The following NUP155 variants were observed in gnomAD, a reference collection of about 807,000 sequenced individuals.
NUP155 encodes nuclear pore complex protein Nup155.
In NUP155, 71 loss-of-function variants were observed where a neutral mutation model predicts 180.4. The ratio of observed to expected loss-of-function variants is 0.39; its 90% confidence interval spans 0.33 to 0.48. The LOEUF (loss-of-function observed/expected upper bound fraction) is 0.48. NUP155 is among the 20% of genes least tolerant of loss of function. The pLI, the probability that NUP155 is intolerant of heterozygous loss-of-function variation, is 0.91. For missense variants in NUP155, 1,553 were observed against 1,648.9 expected (o/e 0.94, Z 1.01); for synonymous variants, 582 against 559.5 (o/e 1.04, Z -0.57).
chr5:37,336,233 C>A (rs1392079405), intron 12 of NUP155, among the ~76,000 whole-genome samples: 1 of 152,068 alleles, frequency 6.6e-6, no homozygotes, highest in East Asian at 1.9e-4. Context: ...GTAATCCCAG[C>A]AGTTTGGGAA....
chr5:37,294,560 T>C, intron 32 of NUP155, 95 bp from the exon 33 acceptor site: 1 of 1,261,462 alleles, frequency 7.9e-7, no homozygotes, highest in Non-Finnish European at 1.1e-6. Flanking sequence ...TAGGGGGATA[T>C]CTTCTGAAAT....
At chr5:37,362,587 C>T (rs1350025828) in intron 3 of NUP155, among the ~76,000 whole-genome samples, 4 of 151,920 alleles carry the variant, frequency 2.6e-5, no homozygotes, top group African/African-American at 4.8e-5. Context: ...CATGCCCAGC[C>T]GAAAACATAT....
At chr5:37,311,403 A>C (rs1160355735) in intron 22 of NUP155, among the ~76,000 whole-genome samples, 2 of 152,166 alleles carry the variant, frequency 1.3e-5, no homozygotes, top group Non-Finnish European at 2.9e-5. Context: ...TATATTTATC[A>C]CTCTATAAAA....
chr5:37,329,573 A>G (rs1476050297), intron 15 of NUP155, among the ~76,000 whole-genome samples: 1 of 152,240 alleles, frequency 6.6e-6, no homozygotes, highest in African/African-American at 2.4e-5. Context: ...TAATTTTCAT[A>G]CTAGGTTATG....
chr5:37,304,025 A>G (rs1317605048), intron 27 of NUP155, among the ~76,000 whole-genome samples: 1 of 152,000 alleles, frequency 6.6e-6, no homozygotes, highest in African/African-American at 2.4e-5. Flanking sequence ...AGGTGGGCAG[A>G]TCACCTGAGC....
chr5:37,301,132 A>T (rs1742842601), intron 30 of NUP155: 3 of 326,264 alleles, frequency 9.2e-6, no homozygotes, highest in African/African-American at 4.3e-5. Context: ...CTTTTTTGCT[A>T]TTTTTTTGTA....
chr5:37,311,170 T>G (rs531283006), intron 22 of NUP155, among the ~76,000 whole-genome samples: 1 of 152,306 alleles, frequency 6.6e-6, no homozygotes, highest in East Asian at 1.9e-4. Flanking sequence ...AATCTGCTTG[T>G]CCAAATGAAG....
chr5:37,349,282 A>G, intron 7 of NUP155, 37 bp from the exon 8 acceptor site: 1 of 686,426 alleles, frequency 1.5e-6, no homozygotes, highest in Non-Finnish European at 2.4e-6. Flanking sequence ...AGAAAAAAGT[A>G]AACCCAAGGA....
At chr5:37,320,196 G>T (rs1250862354) in intron 20 of NUP155, among the ~76,000 whole-genome samples, 2 of 152,144 alleles carry the variant, frequency 1.3e-5, no homozygotes, top group Non-Finnish European at 2.9e-5. Flanking sequence ...AGAGATAAGT[G>T]GCAGGGCGCA....
chr5:37,333,102 C>T (rs1561792132), intron 13 of NUP155, among the ~76,000 whole-genome samples: 1 of 152,120 alleles, frequency 6.6e-6, no homozygotes, highest in Non-Finnish European at 1.5e-5. Flanking sequence ...CACCTGTAAT[C>T]CCAGAACTTT....
intron 11 of NUP155, among the ~76,000 whole-genome samples, chr5:37,338,566 C>T (rs1021055394): frequency 6.6e-5 from 10 of 151,786 alleles, no homozygotes; most frequent in East Asian, 3.9e-4. Context: ...CCACCACGCC[C>T]GACTAATTTT....
chr5:37,316,690 C>T (rs1743907636), intron 21 of NUP155, among the ~76,000 whole-genome samples: 1 of 151,608 alleles, frequency 6.6e-6, no homozygotes, highest in Non-Finnish European at 1.5e-5. Context: ...GTCTTGAACT[C>T]CTGACCTCAG....
chr5:37,310,464 T>C (rs1424718879), intron 23 of NUP155, 88 bp downstream of exon 23: 2 of 1,042,704 alleles, frequency 1.9e-6, no homozygotes, highest in African/African-American at 1.6e-5. Flanking sequence ...TCTAACTGAC[T>C]GAGGTCCTAT....
chr5:37,346,784 G>A (rs1000128071), intron 9 of NUP155, among the ~76,000 whole-genome samples: 3 of 152,138 alleles, frequency 2.0e-5, no homozygotes, highest in African/African-American at 4.8e-5. Flanking sequence ...TTAGGTTCTT[G>A]TACTTATTTA....
At chr5:37,294,489 A>C in intron 32 of NUP155, 24 bp from the exon 33 acceptor site, 1 of 1,610,802 alleles carries the variant, frequency 6.2e-7, no homozygotes, top group Non-Finnish European at 8.5e-7. Context: ...AAAAGATCGG[A>C]AATTTGGATT....
In NUP155 at chr5:37,298,941, T is replaced by G; in HGVS notation, c.3720A>C (p.Arg1240Ser). 1 of 1,613,126 alleles carries G rather than the reference T, an allele frequency of 6.2e-7. No individual in the cohort carries two copies. The highest frequency in any genetic ancestry group is 2.2e-5 in the East Asian group (1 of 44,862). ...CAATCTTGAGACTAAGAGCATGCAT[T>G]CTATCCGAGGAGCTCAATGTCACAC... ...SDSVTLSSSD[R>S]MHALSLKIVL... The change falls in exon 32 of 35, where the codon AGA (arginine) becomes AGC (serine). Residue 1240 changes from arginine (R) to serine (S), a missense_variant. Transcript: ENST00000231498.
At chr5:37,350,392 TTA>T in intron 6 of NUP155, 127 bp from the exon 7 acceptor site, 1 of 664,930 alleles carries the variant, frequency 1.5e-6, no homozygotes. Flanking sequence ...CTAATACCAG[TTA>T]TAATCAACAA....
At chr5:37,365,100 A>G (rs1747469021) in intron 1 of NUP155, among the ~76,000 whole-genome samples, 1 of 151,496 alleles carries the variant, frequency 6.6e-6, no homozygotes, top group Admixed American at 6.6e-5. Context: ...CATCTCTACT[A>G]AAGACACAAA....
chr5:37,307,250 A>C (rs761091980), intron 25 of NUP155, 47 bp downstream of exon 25: 23 of 1,591,900 alleles, frequency 1.4e-5, no homozygotes, highest in Non-Finnish European at 1.8e-5. Context: ...TGCAAAGAAA[A>C]GTCTGTATCC....
Sources: allele counts gnomAD v4.1 joint callset (sites outside exome capture counted in the v4.1 genomes callset), GRCh38; gene constraint gnomAD v4.1.1; transcripts MANE v1.5; gene names NCBI Gene and HGNC (gene_info 2026-07-23, HGNC 2026-07-21).